Variants in RAB3IL1 observed in about 807,000 individuals in gnomAD.
The protein encoded by RAB3IL1 is guanine nucleotide exchange factor for Rab-3A.
RAB3IL1 carries 37 observed loss-of-function variants against 49.2 expected under a neutral mutation model. That is an observed-to-expected ratio of 0.75 (90% CI 0.58 to 0.99). RAB3IL1 has a LOEUF of 0.99. Ranked by LOEUF, RAB3IL1 falls within the 50% of genes least tolerant of loss-of-function variation. RAB3IL1 has a pLI of 0.00. For synonymous variants in RAB3IL1, 193 were observed against 213.9 expected (o/e 0.90, Z 0.85); for missense variants, 484 against 513.0 (o/e 0.94, Z 0.55).
chr11:61,925,331 G>A, the RAB3IL1 span, among the ~76,000 whole-genome samples: 5 of 152,120 alleles, frequency 3.3e-5, no homozygotes, highest in Non-Finnish European at 7.3e-5. Context: ...AGAATCAATA[G>A]GATTTAAATA....
At chr11:61,932,299 A>G in the RAB3IL1 span, among the ~76,000 whole-genome samples, 1 of 152,274 alleles carries the variant, frequency 6.6e-6, no homozygotes, top group African/African-American at 2.4e-5. Context: ...CAAATAAATA[A>G]TTCAAGATTA....
At chr11:61,926,530 T>C in the RAB3IL1 span, among the ~76,000 whole-genome samples, 1 of 152,158 alleles carries the variant, frequency 6.6e-6, no homozygotes, top group Admixed American at 6.5e-5. Context: ...CTTGGTGCCC[T>C]CCCTGTGGTA....
upstream of RAB3IL1, among the ~76,000 whole-genome samples, chr11:61,921,059 G>A (rs564037832): frequency 2.2e-4 from 33 of 151,888 alleles, no homozygotes; most frequent in Admixed American, 3.3e-4. Flanking sequence ...GTCTCGCTCC[G>A]TCACCCAGGC....
chr11:61,923,859 T>C (rs1591246625), upstream of RAB3IL1, among the ~76,000 whole-genome samples: 1 of 152,120 alleles, frequency 6.6e-6, no homozygotes, highest in Non-Finnish European at 1.5e-5. Flanking sequence ...ACGCTGGTTC[T>C]GGCTCCAGGG....
intron 1 of RAB3IL1, among the ~76,000 whole-genome samples, chr11:61,910,973 G>A (rs1363438872): frequency 6.6e-6 from 1 of 152,248 alleles, no homozygotes; most frequent in African/African-American, 2.4e-5. Flanking sequence ...TGGGGGCCGA[G>A]CTTCATCCAC....
the RAB3IL1 span, among the ~76,000 whole-genome samples, chr11:61,937,506 C>G: frequency 1.3e-5 from 2 of 151,970 alleles, no homozygotes; most frequent in African/African-American, 2.4e-5. Flanking sequence ...CGGGGTCTTT[C>G]TTTATTACCC....
At chr11:61,922,311 T>C (rs1203352001), upstream of RAB3IL1, among the ~76,000 whole-genome samples, 2 of 151,724 alleles carry the variant, frequency 1.3e-5, no homozygotes, top group African/African-American at 2.4e-5. Flanking sequence ...ATCTCTGAGG[T>C]TGGGAGTTTG....
At chr11:61,918,826 G>A (rs1224724374), upstream of RAB3IL1, among the ~76,000 whole-genome samples, 1 of 152,200 alleles carries the variant, frequency 6.6e-6, no homozygotes, top group African/African-American at 2.4e-5. Flanking sequence ...GTTCTCCATA[G>A]CATCCCTTCC....
In RAB3IL1 at chr11:61,898,702, G is replaced by T; in HGVS notation, c.1067-342C>A. On this transcript the variant is annotated intron_variant, in intron 9 of 9. Transcript: ENST00000394836. The surrounding 1 kb of genome is among the most constrained non-coding windows in gnomAD (Gnocchi z 5.1). ...AGACAAGGCACAGATGCCTCCCTGG[G>T]GTCTCACAAGGACCCTGCGCAGTGA... 2.1e-6 allele frequency: 1 copy of T among 481,808 alleles called. No homozygotes were observed. The highest frequency in any genetic ancestry group is 1.9e-5 in the African/African-American group (1 of 51,720). The allele number at this position is 481,808 out of a possible 1,614,324, so 29.8% of individuals were successfully genotyped here.
At chr11:61,922,703 C>T (rs982484236), upstream of RAB3IL1, among the ~76,000 whole-genome samples, 3 of 152,176 alleles carry the variant, frequency 2.0e-5, no homozygotes, top group Non-Finnish European at 2.9e-5. Flanking sequence ...CACACCCCAC[C>T]CTGCCCCGCC....
At chr11:61,946,281 C>A in the RAB3IL1 span, among the ~76,000 whole-genome samples, 1 of 152,186 alleles carries the variant, frequency 6.6e-6, no homozygotes, top group Non-Finnish European at 1.5e-5. Context: ...CAAGCTGGGT[C>A]TCCTTCTTCC....
In RAB3IL1 at chr11:61,917,391, C is replaced by A. The variant is rs1939744870; in HGVS notation, c.-24G>T. On this transcript the variant is annotated 5_prime_UTR_variant, in exon 1 of 10. Transcript: ENST00000394836. ...ATCCCGGCGCCTCGGGGCGCCCAGGCGTCCGTTCCCAGCGCCGCCGCGTCC... is the reference window on the plus strand; with the variant it reads ...ATCCCGGCGCCTCGGGGCGCCCAGGAGTCCGTTCCCAGCGCCGCCGCGTCC... 1 of 1,235,674 alleles carries A rather than the reference C, an allele frequency of 8.1e-7. No individual in the cohort carries two copies. Among genetic ancestry groups the A allele is most frequent in the Non-Finnish European group, 1.0e-6 (1 of 991,410 alleles). 76.5% of individuals were successfully genotyped at this position (1,235,674 alleles called of 1,614,324 possible).
At chr11:61,916,063 G>A (rs1939671366) in intron 1 of RAB3IL1, among the ~76,000 whole-genome samples, 1 of 146,478 alleles carries the variant, frequency 6.8e-6, no homozygotes, top group African/African-American at 2.5e-5. Flanking sequence ...TCAAGTCTTA[G>A]GGCAGGGCGT....
Position 61,898,352 on chromosome 11 carries a change from T to C in RAB3IL1, c.1075A>G (p.Met359Val), listed in dbSNP as rs376985977. The change falls in exon 10 of 10, where the codon ATG becomes GTG. Residue 359 changes from methionine to valine, a missense_variant. Transcript: ENST00000394836. This position sits in a 1 kb window ranked among gnomAD's most constrained non-coding sequence, Gnocchi z 5.1. ...QGLVRQDAEP[M>V]FWEIMRLRKE... ...CGCAACCTCATGATCTCCCAGAACATGGGCTCTGCTGCAGGCAGAGAGAGG... is the reference window on the plus strand; with the variant it reads ...CGCAACCTCATGATCTCCCAGAACACGGGCTCTGCTGCAGGCAGAGAGAGG... The C allele has an allele frequency of 8.7e-6, 14 of 1,613,264 alleles. No individual in the cohort carries two copies. The East Asian group carries it at 1.6e-4, about 18-fold the overall frequency.
the RAB3IL1 span, among the ~76,000 whole-genome samples, chr11:61,929,884 CTTTTTTTTTTTT>C: frequency 1.5e-5 from 1 of 66,380 alleles, no homozygotes; most frequent in African/African-American, 5.7e-5. Context: ...CCGCGCCCGG[CTTTTTTTTTTTT>C]TTTTTTTTTT....
At chr11:61,915,290 T>G (rs774069394) in intron 1 of RAB3IL1, among the ~76,000 whole-genome samples, 1 of 151,986 alleles carries the variant, frequency 6.6e-6, no homozygotes, top group African/African-American at 2.4e-5. Flanking sequence ...TTGCTGGGAA[T>G]ATGGCAGGGG....
Position 61,904,804 on chromosome 11 carries a change from T to G in RAB3IL1, c.736A>C (p.Arg246=). The change falls in exon 6 of 10, where the codon AGG becomes CGG. Residue 246 remains arginine (R), a synonymous_variant. Transcript: ENST00000394836. Reference sequence around the variant, plus strand: ...GGGCCCACGTCCTCTCGGTACACCCTTTCCAGGAAGGGGCAGGTCTTGTCC... The same window carrying G: ...GGGCCCACGTCCTCTCGGTACACCCGTTCCAGGAAGGGGCAGGTCTTGTCC... The part of the protein sequence containing the change: ...TLDKTCPFLE[R]VYREDVGPCL... 1.2e-6 allele frequency: 2 copies of G among 1,611,802 alleles called. No individual in the cohort carries two copies. Among genetic ancestry groups the G allele is most frequent in the Non-Finnish European group, 1.7e-6 (2 of 1,179,368 alleles).
In RAB3IL1 at chr11:61,898,936, G is replaced by T. The variant is rs745884205; in HGVS notation, c.1066+378C>A. On this transcript the variant is annotated intron_variant, in intron 9 of 9. Transcript: ENST00000394836. The surrounding 1 kb of genome is among the most constrained non-coding windows in gnomAD (Gnocchi z 5.1). ...AGCCAGGCCTTGCAGAATGGGCTGT[G>T]GGGGGAGGGGGTGGAGGGAGGCCCT... 2.1e-5 allele frequency: 10 copies of T among 487,496 alleles called. No individual in the cohort carries two copies. Among genetic ancestry groups the T allele is most frequent in the East Asian group, 1.2e-4 (2 of 16,718 alleles). The allele number at this position is 487,496 out of a possible 1,614,324, so 30.2% of individuals were successfully genotyped here. A position where few individuals can be genotyped will look rare whatever the true frequency, so the allele number is the denominator to read the frequency against.
At chr11:61,937,737 TGAG>T in the RAB3IL1 span, among the ~76,000 whole-genome samples, 1 of 150,972 alleles carries the variant, frequency 6.6e-6, no homozygotes, top group Admixed American at 6.6e-5. Context: ...ATGAAGGAGT[TGAG>T]GAACAAAAAA....
Sources: allele counts gnomAD v4.1 joint callset (sites outside exome capture counted in the v4.1 genomes callset), GRCh38; gene constraint gnomAD v4.1.1; non-coding constraint Gnocchi (gnomAD v3.1); transcripts MANE v1.5; gene names NCBI Gene and HGNC (gene_info 2026-07-23, HGNC 2026-07-21).